Variants in CCDC47 observed in about 807,000 individuals in gnomAD.
The protein encoded by CCDC47 is PAT complex subunit CCDC47.
A neutral mutation model predicts 60.5 loss-of-function variants in CCDC47; 41 were observed. That is an observed-to-expected ratio of 0.68 (90% confidence interval 0.53 to 0.88). The LOEUF (loss-of-function observed/expected upper bound fraction) is 0.88. Ranked by LOEUF, CCDC47 falls within the 40% of genes least tolerant of loss-of-function variation. CCDC47 has a pLI of 0.00. For missense variants in CCDC47, 513 were observed against 580.9 expected, an observed-to-expected ratio of 0.88 and a Z score of 1.20; for synonymous variants, 195 against 190.7, an observed-to-expected ratio of 1.02 and a Z score of -0.18.
Position 63,746,749 on chromosome 17 carries a change from G to C in CCDC47, c.*132C>G. On this transcript the variant is annotated 3_prime_UTR_variant, in exon 13 of 13. Coordinates refer to ENST00000225726, the MANE Select transcript of CCDC47 (RefSeq NM_020198.3). Reference sequence around the variant, plus strand: ...ACCCCAAACCCCAAACAGAGTAGATGATGAAATAAGGATTTCTCAGTTGCC... The same window carrying C: ...ACCCCAAACCCCAAACAGAGTAGATCATGAAATAAGGATTTCTCAGTTGCC... 1.4e-6 allele frequency: 1 copy of C among 690,274 alleles called. No individual in the cohort carries two copies. The highest frequency in any genetic ancestry group is 2.5e-6 in the Non-Finnish European group (1 of 393,284). 42.8% of individuals were successfully genotyped at this position (690,274 alleles called of 1,614,324 possible). A position where few individuals can be genotyped will look rare whatever the true frequency, so the allele number is the denominator to read the frequency against.
At chr17:63,761,793 A>T (rs2039263574) in intron 4 of CCDC47, 1 of 979,212 alleles carries the variant, frequency 1.0e-6, no homozygotes, top group Non-Finnish European at 1.2e-6. Context: ...TTGCTGTCTT[A>T]TAGAACTGTT....
intron 1 of CCDC47, chr17:63,766,747 T>C (rs192902333): frequency 6.5e-5 from 53 of 814,788 alleles, no homozygotes; most frequent in South Asian, 5.6e-5. Flanking sequence ...TTTCTTTAGG[T>C]TGGGTTTTCT....
At chr17:63,763,295 G>A (rs2039273867) in intron 4 of CCDC47, among the ~76,000 whole-genome samples, 1 of 152,124 alleles carries the variant, frequency 6.6e-6, no homozygotes, top group African/African-American at 2.4e-5. Flanking sequence ...GGCCAAGGCA[G>A]CCAGATTGCT....
chr17:63,747,190 T>G (rs1447866272), intron 12 of CCDC47: 4 of 984,134 alleles, frequency 4.1e-6, no homozygotes, highest in Non-Finnish European at 4.8e-6. Context: ...AAAGGTAAAC[T>G]AAAATCTCAG....
At chr17:63,766,990 TAG>T (rs1231183508) in intron 1 of CCDC47, 1 of 959,354 alleles carries the variant, frequency 1.0e-6, no homozygotes, top group African/African-American at 1.8e-5. Context: ...CACTATGTGC[TAG>T]ACACTGTTCC....
chr17:63,770,195 T>C (rs1274081822), intron 1 of CCDC47, among the ~76,000 whole-genome samples: 1 of 152,156 alleles, frequency 6.6e-6, no homozygotes, highest in East Asian at 1.9e-4. Flanking sequence ...ACTCCTGACC[T>C]CAGGTGATCC....
chr17:63,754,657 G>A (rs974958169), intron 8 of CCDC47, 139 bp from the exon 9 acceptor site: 2 of 559,360 alleles, frequency 3.6e-6, no homozygotes, highest in African/African-American at 3.9e-5. Flanking sequence ...TGGATTACTT[G>A]AGGCAAGGAG....
In CCDC47 at chr17:63,746,932, C is replaced by A; in HGVS notation, c.1401G>T (p.Lys467Asn). Residue 467 changes from lysine to asparagine, a missense_variant, in exon 13 of 13, where the codon AAG becomes AAT. Coordinates refer to ENST00000225726, the MANE Select transcript of CCDC47 (RefSeq NM_020198.3). ...TCATTTTCATTTGCTTCTTTTCCAACTTCTTTTGCTCACGCCTCAATGCAG... is the reference window on the plus strand; with the variant it reads ...TCATTTTCATTTGCTTCTTTTCCAAATTCTTTTGCTCACGCCTCAATGCAG... ...EEAALRREQK[K>N]LEKKQMKMKQ... 2 of 1,613,638 alleles carry A rather than the reference C, an allele frequency of 1.2e-6. No homozygotes were observed. Among genetic ancestry groups the A allele is most frequent in the Non-Finnish European group, 8.5e-7 (1 of 1,179,776 alleles).
At chr17:63,758,683 A>G (rs1486882038) in intron 6 of CCDC47, among the ~76,000 whole-genome samples, 3 of 152,156 alleles carry the variant, frequency 2.0e-5, no homozygotes, top group Non-Finnish European at 4.4e-5. Flanking sequence ...ATAAAAAATT[A>G]TAAGCCTAAA....
rs892853778 is a variant in CCDC47 at position 63,745,577 on chromosome 17, G to C, written c.*1304C>G. ...ACTTGGAGAAAAACCCATGTGAAAA[G>C]TTTCCATGCAGTTACAAAGGCAGCA... On this transcript the variant is annotated 3_prime_UTR_variant, in exon 13 of 13. Transcript: ENST00000225726. 1 of 152,164 alleles carries C rather than the reference G, an allele frequency of 6.6e-6. No homozygotes were observed. Among genetic ancestry groups the C allele is most frequent in the African/African-American group, 2.4e-5 (1 of 41,434 alleles). The allele number at this position is 152,164 out of a possible 1,614,324, so 9.4% of individuals were successfully genotyped here.
At position 63,746,661 on chromosome 17, in the gene CCDC47, G is replaced by C; in HGVS notation, c.*220C>G. 2.3e-6 allele frequency: 1 copy of C among 426,774 alleles called. No homozygotes were observed. Among genetic ancestry groups the C allele is most frequent in the Non-Finnish European group, 4.2e-6 (1 of 238,184 alleles). 26.4% of individuals were successfully genotyped at this position (426,774 alleles called of 1,614,324 possible). ...TTTTATAAAATAATCAAAATAATTTGATTATCTGGAAAAAAAAATTCTTGA... is the reference window on the plus strand; with the variant it reads ...TTTTATAAAATAATCAAAATAATTTCATTATCTGGAAAAAAAAATTCTTGA... On this transcript the variant is annotated 3_prime_UTR_variant, in exon 13 of 13. Transcript: ENST00000225726.
At chr17:63,752,470 C>T (rs769317374) in intron 10 of CCDC47, 41 bp from the exon 11 acceptor site, 10 of 1,303,076 alleles carry the variant, frequency 7.7e-6, no homozygotes, top group African/African-American at 1.5e-5. Flanking sequence ...TTAATGGTAG[C>T]ATTAATATTT....
intron 5 of CCDC47, 90 bp from the exon 6 acceptor site, chr17:63,761,069 A>T: frequency 7.2e-7 from 1 of 1,383,732 alleles, no homozygotes; most frequent in Non-Finnish European, 1.0e-6. Flanking sequence ...ATGCTTCATC[A>T]AATATACTTT....
Sources: gnomAD v4.1 joint callset for allele counts (sites outside exome capture counted in the v4.1 genomes callset) on GRCh38, gnomAD v4.1.1 for gene constraint, MANE v1.5 for transcripts, NCBI Gene and HGNC (gene_info 2026-07-23, HGNC 2026-07-21) for gene names.